EXT1: variants seen among roughly 807,000 people sequenced by gnomAD.
EXT1 encodes the protein exostosin glycosyltransferase 1.
Under a neutral mutation model 82.5 loss-of-function variants are expected in EXT1, and 20 were observed. The ratio of observed to expected loss-of-function variants is 0.24; its 90% CI spans 0.17 to 0.35. EXT1 has a LOEUF of 0.35. Among genes scored for constraint, EXT1 ranks in the 10% least tolerant of loss-of-function variants. EXT1 has a pLI of 1.00. For missense variants in EXT1, 757 were observed against 936.5 expected (o/e 0.81, Z 2.50); for synonymous variants, 348 against 350.8 (o/e 0.99, Z 0.09).
At chr8:117,918,239 G>A (rs1813791184) in intron 1 of EXT1, among the ~76,000 whole-genome samples, 1 of 152,176 alleles carries the variant, frequency 6.6e-6, no homozygotes, top group East Asian at 1.9e-4. Context: ...TTCACTGCAT[G>A]TTCTTTCACT....
At chr8:117,801,652 C>T (rs192835545) in intron 10 of EXT1, among the ~76,000 whole-genome samples, 203 of 152,260 alleles carry the variant, frequency 1.3e-3, no homozygotes, top group African/African-American at 4.7e-3. Context: ...ATTACAGGTG[C>T]ACACCACCAT....
intron 1 of EXT1, among the ~76,000 whole-genome samples, chr8:117,873,713 C>A (rs1273768512): frequency 1.3e-5 from 2 of 152,056 alleles, no homozygotes; most frequent in Non-Finnish European, 2.9e-5. Context: ...GCCTTGGACT[C>A]CCAAAGTGCT....
chr8:117,813,266 CTT>C (rs1047010056), intron 7 of EXT1, among the ~76,000 whole-genome samples: 1 of 152,144 alleles, frequency 6.6e-6, no homozygotes, highest in Admixed American at 6.5e-5. Context: ...GATGACCAGT[CTT>C]TGCTTGATAC....
At chr8:117,915,023 T>G (rs1813720366) in intron 1 of EXT1, among the ~76,000 whole-genome samples, 1 of 152,162 alleles carries the variant, frequency 6.6e-6, no homozygotes, top group East Asian at 1.9e-4. Context: ...AAACCCTTAA[T>G]GAAAAACTTG....
chr8:118,093,519 A>G (rs1817559329), intron 1 of EXT1, among the ~76,000 whole-genome samples: 1 of 152,188 alleles, frequency 6.6e-6, no homozygotes, highest in African/African-American at 2.4e-5. Context: ...GAAGAATTTA[A>G]TCCTGTTCTA....
At chr8:118,037,310 G>A (rs1816438870) in intron 1 of EXT1, among the ~76,000 whole-genome samples, 1 of 152,040 alleles carries the variant, frequency 6.6e-6, no homozygotes, top group African/African-American at 2.4e-5. Flanking sequence ...CAAACACACA[G>A]GGTCACATGT....
chr8:118,015,017 T>A (rs1816936381), intron 1 of EXT1, among the ~76,000 whole-genome samples: 1 of 152,216 alleles, frequency 6.6e-6, no homozygotes, highest in Non-Finnish European at 1.5e-5. Flanking sequence ...AGACCATACA[T>A]AAAACCCCAT....
At chr8:118,106,159 TTTTA>T (rs2130032841) in intron 1 of EXT1, among the ~76,000 whole-genome samples, 1 of 152,324 alleles carries the variant, frequency 6.6e-6, no homozygotes, top group East Asian at 1.9e-4. Context: ...GTGTACATGC[TTTTA>T]TTTATTTACT....
intron 1 of EXT1, among the ~76,000 whole-genome samples, chr8:117,975,633 G>C (rs551361564): frequency 6.6e-6 from 1 of 151,816 alleles, no homozygotes; most frequent in East Asian, 1.9e-4. Flanking sequence ...TAACATGCGG[G>C]GCAATGCTTG....
At chr8:117,883,912 G>A (rs903574844) in intron 1 of EXT1, among the ~76,000 whole-genome samples, 3 of 152,258 alleles carry the variant, frequency 2.0e-5, no homozygotes, top group East Asian at 1.9e-4. Flanking sequence ...CAAAGTTTTC[G>A]TGCCAGAAAG....
At chr8:117,838,451 A>C (rs1812221794) in intron 1 of EXT1, among the ~76,000 whole-genome samples, 1 of 152,182 alleles carries the variant, frequency 6.6e-6, no homozygotes, top group African/African-American at 2.4e-5. Flanking sequence ...AAGAAGAGAC[A>C]TCATGCAAAG....
intron 1 of EXT1, among the ~76,000 whole-genome samples, chr8:117,869,419 A>T (rs1334676772): frequency 6.6e-6 from 1 of 152,206 alleles, no homozygotes; most frequent in Non-Finnish European, 1.5e-5. Context: ...TGAGTCCAGG[A>T]TGCACAGGAA....
At chr8:118,085,499 T>G (rs1189320507) in intron 1 of EXT1, among the ~76,000 whole-genome samples, 1 of 150,878 alleles carries the variant, frequency 6.6e-6, no homozygotes, top group African/African-American at 2.4e-5. Context: ...TTTTTTTGGT[T>G]GATTGGTCAT....
chr8:117,865,063 T>C lies in EXT1; in HGVS notation c.963-27862A>G, dbSNP rs567273310. Among the ~76,000 whole-genome samples, 15 of 152,294 alleles carry C rather than the reference T, an allele frequency of 9.8e-5. No homozygotes were observed. In the South Asian group the frequency reaches 3.1e-3, roughly 32 times the overall value. The stretch of plus-strand genomic sequence containing the variant: ...ATCTCAGAGCCAGGTGTGTTTGAGA[T>C]GAGCTGACTGACTCCATACAAACAC... On this transcript the variant is annotated intron_variant, in intron 1 of 10. Transcript: ENST00000378204.
At chr8:117,892,195 G>A (rs958513885) in intron 1 of EXT1, among the ~76,000 whole-genome samples, 4 of 152,170 alleles carry the variant, frequency 2.6e-5, no homozygotes, top group Non-Finnish European at 5.9e-5. Flanking sequence ...TTTACCTCCT[G>A]AGCATTGAAC....
At chr8:117,999,083 C>A (rs1364231907) in intron 1 of EXT1, among the ~76,000 whole-genome samples, 2 of 152,074 alleles carry the variant, frequency 1.3e-5, no homozygotes, top group Non-Finnish European at 2.9e-5. Flanking sequence ...CTAGGAGTGC[C>A]ATCATTTATA....
At chr8:117,810,362 A>C (rs1823300051) in intron 8 of EXT1, among the ~76,000 whole-genome samples, 1 of 152,080 alleles carries the variant, frequency 6.6e-6, no homozygotes, top group South Asian at 2.1e-4. Context: ...CAACACAACC[A>C]CTCCACTGAT....
intron 1 of EXT1, among the ~76,000 whole-genome samples, chr8:118,054,956 G>GTATATATA (rs34579101): frequency 3.5e-4 from 52 of 149,612 alleles, no homozygotes; most frequent in African/African-American, 7.1e-4. Context: ...GTATGTATAT[G>GTATATATA]TATATATATA....
chr8:117,900,385 T>G (rs1452962206), intron 1 of EXT1, among the ~76,000 whole-genome samples: 1 of 152,232 alleles, frequency 6.6e-6, no homozygotes, highest in Non-Finnish European at 1.5e-5. Context: ...CAAAACAATC[T>G]TATTATATGA....
Sources: allele counts gnomAD v4.1 joint callset (sites outside exome capture counted in the v4.1 genomes callset), GRCh38; gene constraint gnomAD v4.1.1; transcripts MANE v1.5; gene names NCBI Gene and HGNC (gene_info 2026-07-23, HGNC 2026-07-21).